The following DLGAP2 variants were observed in gnomAD, a reference collection of about 807,000 sequenced individuals.
DLGAP2 encodes the protein disks large-associated protein 2.
In DLGAP2, 26 loss-of-function variants were observed where a neutral mutation model predicts 100.3. That is an observed-to-expected ratio of 0.26 (90% CI 0.19 to 0.36). DLGAP2 has a LOEUF of 0.36. Among genes scored for constraint, DLGAP2 ranks in the 10% least tolerant of loss-of-function variants. DLGAP2 has a pLI of 1.00. For missense variants in DLGAP2, 1,858 were observed against 1,453.2 expected (o/e 1.28, Z -4.53); for synonymous variants, 886 against 630.1 (o/e 1.41, Z -6.08).
At chr8:846,680 T>C (rs897907128) in intron 1 of DLGAP2, among the ~76,000 whole-genome samples, 1 of 152,212 alleles carries the variant, frequency 6.6e-6, no homozygotes, top group Non-Finnish European at 1.5e-5. Context: ...ATATGGTAGT[T>C]GTATTTTTAA....
intron 2 of DLGAP2, among the ~76,000 whole-genome samples, chr8:1,010,379 GCA>G (rs1285174476): frequency 1.5e-4 from 23 of 152,026 alleles, no homozygotes; most frequent in African/African-American, 3.4e-4. Context: ...TCACATGTGT[GCA>G]CAGTCAGATA....
At chr8:1,678,931 C>G in intron 12 of DLGAP2, 1 of 331,150 alleles carries the variant, frequency 3.0e-6, no homozygotes, top group Non-Finnish European at 5.4e-6. Context: ...CTTAGCAGTT[C>G]TCTTGAATTT....
At chr8:1,232,945 G>A (rs1289833588) in intron 2 of DLGAP2, among the ~76,000 whole-genome samples, 2 of 152,160 alleles carry the variant, frequency 1.3e-5, no homozygotes, top group African/African-American at 4.8e-5. Context: ...CCCACCCCCT[G>A]CCCAGCCCTA....
intron 3 of DLGAP2, among the ~76,000 whole-genome samples, chr8:1,324,238 T>A (rs894620376): frequency 1.3e-5 from 2 of 152,220 alleles, no homozygotes; most frequent in Admixed American, 6.5e-5. Flanking sequence ...TCTGCCCCCA[T>A]AAGAACAGAA....
chr8:1,276,258 T>TA (rs1288715925), intron 3 of DLGAP2, among the ~76,000 whole-genome samples: 1 of 151,796 alleles, frequency 6.6e-6, no homozygotes, highest in South Asian at 2.1e-4. Flanking sequence ...CATAACAACC[T>TA]AAAAAATCAT....
chr8:1,559,465 G>T (rs868554695), intron 5 of DLGAP2, among the ~76,000 whole-genome samples: 50 of 152,254 alleles, frequency 3.3e-4, no homozygotes, highest in African/African-American at 1.1e-3. Context: ...TGGGGATTTG[G>T]TACTTGAATT....
intron 8 of DLGAP2, among the ~76,000 whole-genome samples, chr8:1,651,258 C>A (rs1798156005): frequency 6.6e-6 from 1 of 152,226 alleles, no homozygotes; most frequent in Non-Finnish European, 1.5e-5. Context: ...GTTGACCCAC[C>A]AGATTCTGTG....
chr8:1,327,849 A>C (rs971530807), intron 3 of DLGAP2, among the ~76,000 whole-genome samples: 10 of 151,934 alleles, frequency 6.6e-5, no homozygotes, highest in African/African-American at 2.2e-4. Flanking sequence ...GTCTCAAAAA[A>C]ATAAATAAAT....
At chr8:1,459,679 G>GTTT (rs1202896989) in intron 3 of DLGAP2, among the ~76,000 whole-genome samples, 1 of 114,550 alleles carries the variant, frequency 8.7e-6, no homozygotes, top group African/African-American at 3.4e-5. Flanking sequence ...AAATTCTGTT[G>GTTT]TTTTCTTTTT....
At chr8:1,488,452 C>A (rs915852651) in intron 3 of DLGAP2, among the ~76,000 whole-genome samples, 24 of 152,106 alleles carry the variant, frequency 1.6e-4, no homozygotes, top group South Asian at 4.1e-4. Context: ...AGTTGAGCAC[C>A]CAAAAGAGGC....
At chr8:1,130,036 C>T (rs540711364) in intron 2 of DLGAP2, among the ~76,000 whole-genome samples, 1 of 152,130 alleles carries the variant, frequency 6.6e-6, no homozygotes, top group African/African-American at 2.4e-5. Flanking sequence ...TCGGGCACTT[C>T]ACACAAGTTA....
chr8:940,831 C>G, intron 2 of DLGAP2, among the ~76,000 whole-genome samples: 1 of 152,262 alleles, frequency 6.6e-6, no homozygotes, highest in Middle Eastern at 3.4e-3. Context: ...TGTCCACCCA[C>G]CTCACTGAGG....
chr8:1,058,862 G>T (rs187314015), intron 2 of DLGAP2, among the ~76,000 whole-genome samples: 1 of 152,322 alleles, frequency 6.6e-6, no homozygotes, highest in East Asian at 1.9e-4. Flanking sequence ...ACACCTGTGC[G>T]TGCTCGTTGC....
At chr8:760,212 G>A (rs1053636695) in intron 1 of DLGAP2, among the ~76,000 whole-genome samples, 18 of 152,130 alleles carry the variant, frequency 1.2e-4, no homozygotes, top group Admixed American at 1.0e-3. Flanking sequence ...CCCAAGGGAT[G>A]ACACAGGCTT....
chr8:915,649 C>T (rs375351277), intron 2 of DLGAP2, among the ~76,000 whole-genome samples: 4 of 152,078 alleles, frequency 2.6e-5, no homozygotes, highest in Non-Finnish European at 2.9e-5. Flanking sequence ...CCGAATCACA[C>T]GGCTGGTCAT....
At chr8:1,391,790 G>A (rs1335706116) in intron 3 of DLGAP2, among the ~76,000 whole-genome samples, 2 of 152,270 alleles carry the variant, frequency 1.3e-5, no homozygotes, top group Non-Finnish European at 2.9e-5. Context: ...TCTCAAGCCA[G>A]TTTATCCTTA....
intron 3 of DLGAP2, among the ~76,000 whole-genome samples, chr8:1,452,195 G>A (rs1056611733): frequency 6.6e-6 from 1 of 152,236 alleles, no homozygotes; most frequent in Non-Finnish European, 1.5e-5. Flanking sequence ...CTGTGGCTGC[G>A]TGCTCTGTGG....
At chr8:1,662,097 A>C (rs1798422129) in intron 8 of DLGAP2, among the ~76,000 whole-genome samples, 1 of 152,236 alleles carries the variant, frequency 6.6e-6, no homozygotes, top group South Asian at 2.1e-4. Flanking sequence ...ATGAGGGATG[A>C]ACTGATGCTT....
At position 1,025,237 on chromosome 8, in the gene DLGAP2, C is replaced by G. The variant is rs575857591; in HGVS notation, c.73+117271C>G. Reference sequence around the variant, plus strand: ...AATCATAGCCTGAGCAACTTCCAAACAAGCAAACACGGTGCCGCCCTCTTT... The same window carrying G: ...AATCATAGCCTGAGCAACTTCCAAAGAAGCAAACACGGTGCCGCCCTCTTT... On this transcript the variant is annotated intron_variant, in intron 2 of 14. Transcript: ENST00000637795. Among the ~76,000 whole-genome samples, 47 of 152,268 alleles carry G rather than the reference C, an allele frequency of 3.1e-4. 2 individuals are homozygous for G. The South Asian group carries it at 7.9e-3, about 26-fold the overall frequency.
Sources: allele counts gnomAD v4.1 joint callset (sites outside exome capture counted in the v4.1 genomes callset), GRCh38; gene constraint gnomAD v4.1.1; transcripts MANE v1.5; gene names NCBI Gene and HGNC (gene_info 2026-07-23, HGNC 2026-07-21).